The following EPHA3 variants were observed in gnomAD, a reference collection of about 807,000 sequenced individuals.
The protein encoded by EPHA3 is ephrin type-A receptor 3.
EPHA3 carries 42 observed loss-of-function variants against 107.1 expected under a neutral mutation model. The ratio of observed to expected loss-of-function variants is 0.39; its 90% CI spans 0.31 to 0.51. The LOEUF (loss-of-function observed/expected upper bound fraction) is 0.51, where lower values mean the gene tolerates loss of function less well. Among genes scored for constraint, EPHA3 ranks in the 20% least tolerant of loss-of-function variants. The pLI is 0.78. For synonymous variants in EPHA3, 461 were observed against 424.8 expected (o/e 1.09, Z -1.05); for missense variants, 1,183 against 1,211.2 (o/e 0.98, Z 0.35).
At chr3:89,371,572 ACTGT>A (rs1213489908) in intron 5 of EPHA3, among the ~76,000 whole-genome samples, 24 of 151,792 alleles carry the variant, frequency 1.6e-4, no homozygotes, top group African/African-American at 5.3e-4. Context: ...CAAAGTACTG[ACTGT>A]CAGCCAGGGC....
intron 2 of EPHA3, among the ~76,000 whole-genome samples, chr3:89,207,915 A>G (rs1451426427): frequency 6.6e-6 from 1 of 152,228 alleles, no homozygotes; most frequent in Non-Finnish European, 1.5e-5. Context: ...GCAAATGCCT[A>G]TGAAACAAAA....
At chr3:89,148,408 G>A (rs557998323) in intron 2 of EPHA3, among the ~76,000 whole-genome samples, 5 of 151,930 alleles carry the variant, frequency 3.3e-5, no homozygotes, top group Non-Finnish European at 7.4e-5. Flanking sequence ...AAGACAAGAA[G>A]CATTAAGCAA....
At chr3:89,373,779 C>T (rs781303524) in intron 5 of EPHA3, among the ~76,000 whole-genome samples, 1 of 151,856 alleles carries the variant, frequency 6.6e-6, no homozygotes, top group African/African-American at 2.4e-5. Flanking sequence ...CATCCTGGAT[C>T]AGGCTTCTAT....
intron 15 of EPHA3, among the ~76,000 whole-genome samples, chr3:89,455,683 T>C (rs1207821095): frequency 6.6e-6 from 1 of 152,184 alleles, no homozygotes; most frequent in African/African-American, 2.4e-5. Flanking sequence ...TACTTCTAGT[T>C]CCTTCAGAAA....
At chr3:89,135,077 T>C (rs79367305) in intron 2 of EPHA3, among the ~76,000 whole-genome samples, 2,057 of 152,270 alleles carry the variant, frequency 0.014, 54 homozygotes, top group African/African-American at 0.048. Flanking sequence ...AGTTTAAACA[T>C]AGTAATTTGG....
intron 3 of EPHA3, among the ~76,000 whole-genome samples, chr3:89,213,059 T>C (rs1384469222): frequency 6.6e-6 from 1 of 151,932 alleles, no homozygotes; most frequent in Non-Finnish European, 1.5e-5. Flanking sequence ...ACAGGATAAT[T>C]TTAAGACTCT....
intron 1 of EPHA3, among the ~76,000 whole-genome samples, chr3:89,116,806 A>T (rs1367006326): frequency 6.6e-6 from 1 of 151,752 alleles, no homozygotes; most frequent in African/African-American, 2.4e-5. Context: ...TTCCATGAAC[A>T]AAGTGAAGAA....
intron 9 of EPHA3, among the ~76,000 whole-genome samples, chr3:89,410,684 G>T (rs1709142090): frequency 6.6e-6 from 1 of 151,878 alleles, no homozygotes. Context: ...TCCTTAAAAT[G>T]TAACTAAATT....
At chr3:89,226,675 G>A (rs1480885459) in intron 3 of EPHA3, among the ~76,000 whole-genome samples, 1 of 152,040 alleles carries the variant, frequency 6.6e-6, no homozygotes, top group Non-Finnish European at 1.5e-5. Context: ...CTGATGGTCT[G>A]TCTAACATGG....
chr3:89,159,944 CCTT>C (rs1302507606), intron 2 of EPHA3, among the ~76,000 whole-genome samples: 3 of 151,964 alleles, frequency 2.0e-5, no homozygotes, highest in African/African-American at 4.8e-5. Context: ...TCCCTTCCTT[CCTT>C]CTTTTCCTTC....
At chr3:89,228,254 A>G (rs1704545086) in intron 3 of EPHA3, among the ~76,000 whole-genome samples, 1 of 152,048 alleles carries the variant, frequency 6.6e-6, no homozygotes, top group African/African-American at 2.4e-5. Context: ...GGCAATGTGT[A>G]TTTAAGTGTT....
intron 16 of EPHA3, 141 bp downstream of exon 16, chr3:89,472,760 G>C (rs1710433907): frequency 1.1e-6 from 1 of 906,530 alleles, no homozygotes; most frequent in African/African-American, 1.7e-5. Context: ...GCCTGGAACT[G>C]CTAATCAGGG....
At chr3:89,412,655 T>C (rs1051563631) in intron 9 of EPHA3, among the ~76,000 whole-genome samples, 1 of 151,790 alleles carries the variant, frequency 6.6e-6, no homozygotes, top group South Asian at 2.1e-4. Context: ...TATGCCATTA[T>C]ATATCATTTA....
At chr3:89,255,943 G>A (rs931347907) in intron 3 of EPHA3, among the ~76,000 whole-genome samples, 16 of 151,592 alleles carry the variant, frequency 1.1e-4, no homozygotes, top group African/African-American at 3.9e-4. Flanking sequence ...TAAAAAATAG[G>A]CCGGGTGCGG....
intron 7 of EPHA3, among the ~76,000 whole-genome samples, chr3:89,405,671 G>C (rs1366216362): frequency 6.6e-6 from 1 of 152,174 alleles, no homozygotes; most frequent in Admixed American, 6.5e-5. Flanking sequence ...TCAGGCTGAA[G>C]ATGATATGTT....
intron 5 of EPHA3, among the ~76,000 whole-genome samples, chr3:89,349,986 G>A (rs1350194373): frequency 2.0e-5 from 3 of 149,930 alleles, no homozygotes; most frequent in Admixed American, 6.7e-5. Context: ...CGAGAGATCC[G>A]CTGTTAGTCT....
Position 89,350,602 on chromosome 3 carries a change from C to T in EPHA3, c.1306+8512C>T, listed in dbSNP as rs1460748212. 6.6e-5 allele frequency among the ~76,000 whole-genome samples: 10 copies of T among 150,936 alleles called. No individual in the cohort carries two copies. In the East Asian group the frequency reaches 7.8e-4, roughly 12 times the overall value. ...TCAGAGTAATTTGATCGTCTGAAGC[C>T]TTCTTCTCTCAGCTCGTCAAAGTCA... On this transcript the variant is annotated intron_variant, in intron 5 of 16. Transcript: ENST00000336596.
chr3:89,408,667 AT>A (rs879909923), intron 9 of EPHA3, among the ~76,000 whole-genome samples: 17 of 152,072 alleles, frequency 1.1e-4, no homozygotes, highest in Non-Finnish European at 2.5e-4. Context: ...TACCCTTTTA[AT>A]TTTTTTTAAA....
rs1050224225 is a variant in EPHA3 at position 89,353,183 on chromosome 3, C to T, written c.1306+11093C>T. 1.1e-4 allele frequency among the ~76,000 whole-genome samples: 17 copies of T among 151,176 alleles called. 1 individual carries two copies. Among genetic ancestry groups the T allele is most frequent in the Non-Finnish European group, 1.5e-4 (10 of 67,546 alleles). On this transcript the variant is annotated intron_variant, in intron 5 of 16. Transcript: ENST00000336596. Reference sequence around the variant, plus strand: ...GCTGAATCTGCCATTAAACTATGGCCACCTATTGGTATAGTCCCTATAGAA... The same window carrying T: ...GCTGAATCTGCCATTAAACTATGGCTACCTATTGGTATAGTCCCTATAGAA...
Sources: allele counts gnomAD v4.1 joint callset (sites outside exome capture counted in the v4.1 genomes callset), GRCh38; gene constraint gnomAD v4.1.1; transcripts MANE v1.5; gene names NCBI Gene and HGNC (gene_info 2026-07-23, HGNC 2026-07-21).